The following TSC22D1 variants were observed in gnomAD, a reference collection of about 807,000 sequenced individuals.
The protein encoded by TSC22D1 is TSC22 domain family protein 1.
TSC22D1 carries 9 observed loss-of-function variants against 74.2 expected under a neutral mutation model. The observed-to-expected ratio is 0.12, with a 90% CI of 0.07 to 0.21. TSC22D1 has a LOEUF of 0.21. TSC22D1 is among the 10% of genes least tolerant of loss of function. The pLI, the probability that TSC22D1 is intolerant of heterozygous loss-of-function variation, is 1.00. For missense variants in TSC22D1, 1,427 were observed against 1,304.7 expected, an observed-to-expected ratio of 1.09 and a Z score of -1.44; for synonymous variants, 586 against 492.5, an observed-to-expected ratio of 1.19 and a Z score of -2.51.
intron 1 of TSC22D1, among the ~76,000 whole-genome samples, chr13:44,450,721 G>A (rs1876057012): frequency 6.6e-6 from 1 of 152,196 alleles, no homozygotes; most frequent in Admixed American, 6.5e-5. Context: ...ACTGGTTCTG[G>A]GGTATAACAT....
chr13:44,569,433 G>T (rs1452129785), intron 1 of TSC22D1, among the ~76,000 whole-genome samples: 1 of 151,758 alleles, frequency 6.6e-6, no homozygotes, highest in Admixed American at 6.6e-5. Context: ...GGAAAGTAAG[G>T]GTGCAGGAAG....
rs951638539 is a variant in TSC22D1, at chr13:44,565,957, A to G, written c.2912+7206T>C. Among the ~76,000 whole-genome samples, 7 of 152,162 alleles carry G rather than the reference A, an allele frequency of 4.6e-5. 1 individual carries two copies. Among genetic ancestry groups the G allele is most frequent in the Middle Eastern group, 6.3e-3 (2 of 316 alleles). On this transcript the variant is annotated intron_variant, in intron 1 of 2. Transcript: ENST00000458659. Reference sequence around the variant, plus strand: ...AAAATGGTTTTCCTAAAATTTCCACATAAGTTTCAAAAGAAAAAATAAATA... The same window carrying G: ...AAAATGGTTTTCCTAAAATTTCCACGTAAGTTTCAAAAGAAAAAATAAATA...
At position 44,575,626 on chromosome 13, in the gene TSC22D1, G is replaced by A. The variant is rs1344077909; in HGVS notation, c.449C>T (p.Ser150Phe). The A allele has an allele frequency of 1.9e-6, 3 of 1,614,092 alleles. No homozygotes were observed. Among genetic ancestry groups the A allele is most frequent in the African/African-American group, 1.3e-5 (1 of 74,950 alleles). Residue 150 changes from serine (S) to phenylalanine (F), a missense_variant, in exon 1 of 3, where the codon TCT becomes TTT. By Grantham distance (155) the Ser-to-Phe change is radical. Coordinates refer to ENST00000458659, the MANE Select transcript of TSC22D1 (RefSeq NM_183422.4). The stretch of plus-strand genomic sequence containing the variant: ...TGACACATCAAGGATCTCCGAAGAA[G>A]AGAGATCTTCCGTGTGAGATTCATC... ...DLDESHTEDL[S>F]SSEILDVSLS...
intron 1 of TSC22D1, among the ~76,000 whole-genome samples, chr13:44,479,268 T>C (rs888315719): frequency 3.9e-5 from 6 of 151,970 alleles, no homozygotes; most frequent in African/African-American, 1.5e-4. Flanking sequence ...CAGGACAGCT[T>C]TGAATGCGGC....
intron 1 of TSC22D1, among the ~76,000 whole-genome samples, chr13:44,534,254 A>ATGGCAGTG (rs1402468165): frequency 6.7e-6 from 1 of 150,226 alleles, no homozygotes; most frequent in Non-Finnish European, 1.5e-5. Flanking sequence ...AAAAGCAGAC[A>ATGGCAGTG]TGGCAGTGCA....
chr13:44,511,275 A>G (rs908395708), intron 1 of TSC22D1, among the ~76,000 whole-genome samples: 1 of 152,030 alleles, frequency 6.6e-6, no homozygotes, highest in African/African-American at 2.4e-5. Flanking sequence ...CAGAGTGAGA[A>G]CCTGTTTCAA....
chr13:44,457,254 C>T (rs1876710650), intron 1 of TSC22D1, among the ~76,000 whole-genome samples: 3 of 152,316 alleles, frequency 2.0e-5, no homozygotes, highest in South Asian at 4.1e-4. Flanking sequence ...CAGTTCGGCA[C>T]GTTTGTTACT....
intron 1 of TSC22D1, chr13:44,436,359 G>A: frequency 8.5e-7 from 1 of 1,183,176 alleles, no homozygotes. Flanking sequence ...GCAAAAATAA[G>A]GTTTTTTAAC....
intron 1 of TSC22D1, among the ~76,000 whole-genome samples, chr13:44,454,286 A>G (rs1876384513): frequency 2.0e-5 from 3 of 152,246 alleles, no homozygotes; most frequent in Admixed American, 2.0e-4. Flanking sequence ...CAGGATAACT[A>G]AATTAAATGA....
intron 1 of TSC22D1, among the ~76,000 whole-genome samples, chr13:44,554,041 C>A (rs9595153): frequency 0.019 from 2,843 of 152,264 alleles, 82 homozygotes; most frequent in African/African-American, 0.064. Flanking sequence ...AGTAAACAAG[C>A]TTTCCATTTT....
At position 44,574,266 on chromosome 13, in the gene TSC22D1, G is replaced by A; in HGVS notation, c.1809C>T (p.Pro603=). The A allele has an allele frequency of 6.2e-7, 1 of 1,614,206 alleles. No individual in the cohort carries two copies. The highest frequency in any genetic ancestry group is 1.1e-5 in the South Asian group (1 of 91,084). ...QQPSISSLAQ[P]QLPYSQAAPP... is the part of the protein sequence containing the mutation. ...GAGCCGCCTGAGAATATGGTAGCTG[G>A]GGTTGAGCCAAACTGGAAATGGAAG... The change falls in exon 1 of 3, where the codon CCC becomes CCT. Residue 603 remains proline, a synonymous_variant. Transcript: ENST00000458659.
At chr13:44,505,383 G>GT (rs1367014381) in intron 1 of TSC22D1, among the ~76,000 whole-genome samples, 2 of 152,082 alleles carry the variant, frequency 1.3e-5, no homozygotes, top group African/African-American at 4.8e-5. Flanking sequence ...GCAAGACCCT[G>GT]TATCTACAAA....
At position 44,575,892 on chromosome 13, in the gene TSC22D1, C is replaced by A; in HGVS notation, c.183G>T (p.Pro61=). 2 of 1,613,954 alleles carry A rather than the reference C, an allele frequency of 1.2e-6. No homozygotes were observed. Among genetic ancestry groups the A allele is most frequent in the Non-Finnish European group, 1.7e-6 (2 of 1,180,004 alleles). Reference sequence around the variant, plus strand: ...CAGGGGGCGGCGGCTGAAGCAGCGACGGAGGCGGAAAATCCTCGGAAGATG... The same window carrying A: ...CAGGGGGCGGCGGCTGAAGCAGCGAAGGAGGCGGAAAATCCTCGGAAGATG... ...NATSSEDFPP[P]SLLQPPPPAA... Residue 61 remains proline, a synonymous_variant, in exon 1 of 3, where the codon CCG becomes CCT. Transcript: ENST00000458659.
chr13:44,456,310 A>G (rs1595091851), intron 1 of TSC22D1, among the ~76,000 whole-genome samples: 1 of 152,204 alleles, frequency 6.6e-6, no homozygotes, highest in South Asian at 2.1e-4. Flanking sequence ...GGCCCTGCCC[A>G]CATCCTGCTG....
upstream of TSC22D1, chr13:44,577,305 TC>T: frequency 6.6e-6 from 1 of 152,008 alleles, no homozygotes; most frequent in Non-Finnish European, 1.5e-5. Flanking sequence ...CTCCACCGTA[TC>T]CCCCAGTCTC....
In TSC22D1 at chr13:44,573,759, A is replaced by G; in HGVS notation, c.2316T>C (p.Ile772=). 6.2e-7 allele frequency: 1 copy of G among 1,614,224 alleles called. No homozygotes were observed. The highest frequency in any genetic ancestry group is 8.5e-7 in the Non-Finnish European group (1 of 1,180,040). Residue 772 remains isoleucine, a synonymous_variant, in exon 1 of 3, where the codon ATT becomes ATC. Transcript: ENST00000458659. ...CACTAGTTTGAACTCCCTGATGAAT[A>G]ATCCCAGTTTGAGCAGGTGGAACCA... ...SQVVPPAQTG[I]IHQGVQTSAP... is the part of the protein sequence containing the mutation.
chr13:44,509,952 A>AAAAAAAAAAAAAAAAAAAAG (rs1879627803), intron 1 of TSC22D1, among the ~76,000 whole-genome samples: 1 of 45,256 alleles, frequency 2.2e-5, no homozygotes, highest in Non-Finnish European at 4.4e-5. Context: ...AAAATAAGCA[A>AAAAAAAAAAAAAAAAAAAAG]AAAAAAAAAA....
chr13:44,537,236 G>GA, intron 1 of TSC22D1: 6 of 915,398 alleles, frequency 6.6e-6, no homozygotes, highest in Non-Finnish European at 7.8e-6. Context: ...TTCATTTTGT[G>GA]ACATAAAATA....
chr13:44,546,749 C>CGTGTGTGTGTGTGTGTGTGTGTGT (rs58111185), intron 1 of TSC22D1, among the ~76,000 whole-genome samples: 2,301 of 146,672 alleles, frequency 0.016, 28 homozygotes, highest in Non-Finnish European at 0.024. Context: ...GTGTGAAATA[C>CGTGTGTGTGTGTGTGTGTGTGTGT]GTGTGTGTGT....
Sources: gnomAD v4.1 joint callset for allele counts (sites outside exome capture counted in the v4.1 genomes callset) on GRCh38, gnomAD v4.1.1 for gene constraint, MANE v1.5 for transcripts, NCBI Gene and HGNC (gene_info 2026-07-23, HGNC 2026-07-21) for gene names.